SPOCK3: variants seen among roughly 807,000 people sequenced by gnomAD.
SPOCK3 encodes the protein testican-3.
A neutral mutation model predicts 56.6 loss-of-function variants in SPOCK3; 30 were observed. The ratio of observed to expected loss-of-function variants is 0.53; its 90% CI spans 0.40 to 0.72. The LOEUF is 0.72. Among genes scored for constraint, SPOCK3 ranks in the 30% least tolerant of loss-of-function variants. The probability of loss-of-function intolerance (pLI) is 0.00; values close to 1 mark genes in which losing one functional copy is unlikely to be tolerated. For missense variants in SPOCK3, 527 were observed against 530.0 expected (o/e 0.99, Z 0.06); for synonymous variants, 196 against 183.3 (o/e 1.07, Z -0.56).
intron 7 of SPOCK3, among the ~76,000 whole-genome samples, chr4:166,779,107 A>G (rs927098208): frequency 2.0e-5 from 3 of 152,150 alleles, no homozygotes; most frequent in African/African-American, 7.2e-5. Context: ...GCTGGCACCC[A>G]AGAAAGTGAG....
At chr4:167,204,600 G>T (rs986187536) in intron 2 of SPOCK3, among the ~76,000 whole-genome samples, 1 of 152,036 alleles carries the variant, frequency 6.6e-6, no homozygotes, top group Admixed American at 6.6e-5. Context: ...AACATGTGGG[G>T]ATTACAATTC....
chr4:167,096,291 G>T (rs568979337), intron 2 of SPOCK3, among the ~76,000 whole-genome samples: 1 of 151,826 alleles, frequency 6.6e-6, no homozygotes, highest in Admixed American at 6.6e-5. Flanking sequence ...CTTACTTTAG[G>T]ATTAGTCAGA....
At chr4:166,994,316 T>C (rs1748124646) in intron 4 of SPOCK3, among the ~76,000 whole-genome samples, 1 of 152,204 alleles carries the variant, frequency 6.6e-6, no homozygotes, top group South Asian at 2.1e-4. Context: ...ACCATTTGTA[T>C]GATACCTACT....
intron 2 of SPOCK3, among the ~76,000 whole-genome samples, chr4:167,136,792 G>T (rs189164452): frequency 6.6e-6 from 1 of 152,154 alleles, no homozygotes; most frequent in East Asian, 1.9e-4. Flanking sequence ...AATGTATACA[G>T]AATGGCATTT....
At chr4:167,151,440 T>C (rs1335457051) in intron 2 of SPOCK3, among the ~76,000 whole-genome samples, 3 of 148,552 alleles carry the variant, frequency 2.0e-5, no homozygotes, top group South Asian at 2.1e-4. Context: ...TTTTTCTTTT[T>C]TTTTTTTTTT....
At chr4:167,179,086 G>A (rs1029733015) in intron 2 of SPOCK3, among the ~76,000 whole-genome samples, 6 of 152,102 alleles carry the variant, frequency 3.9e-5, no homozygotes, top group Admixed American at 6.6e-5. Flanking sequence ...CTATTTGCAC[G>A]AAACAGTTTA....
At chr4:166,805,509 T>C (rs1483388416) in intron 6 of SPOCK3, among the ~76,000 whole-genome samples, 1 of 152,104 alleles carries the variant, frequency 6.6e-6, no homozygotes, top group African/African-American at 2.4e-5. Context: ...TTATTTTATC[T>C]GATAGACTGG....
At chr4:167,029,748 A>G (rs1225171560) in intron 3 of SPOCK3, among the ~76,000 whole-genome samples, 2 of 151,812 alleles carry the variant, frequency 1.3e-5, no homozygotes, top group Admixed American at 1.3e-4. Flanking sequence ...GTAGGTATGA[A>G]TTTTTTCAAT....
rs775888045 is a variant in SPOCK3 at position 166,735,014 on chromosome 4, GTCT to G, written c.1206_1208del (p.Glu402del). 53 of 1,562,158 alleles carry G rather than the reference GTCT, an allele frequency of 3.4e-5. No homozygotes were observed. The highest frequency in any genetic ancestry group is 4.6e-5 in the Non-Finnish European group (52 of 1,134,698). ...TTTCATCTTCATCATTCATAATATC[GTCT>G]TCATCATCCTCATCATCAGTCCATT... On this transcript the variant is annotated inframe_deletion, in exon 11 of 11. Transcript: ENST00000357545.
At chr4:166,742,715 A>G (rs1735018546) in intron 8 of SPOCK3, among the ~76,000 whole-genome samples, 1 of 152,192 alleles carries the variant, frequency 6.6e-6, no homozygotes, top group Non-Finnish European at 1.5e-5. Flanking sequence ...ATAAGCTGTT[A>G]TTTTAAAAAT....
chr4:166,999,610 A>G (rs537466759), intron 4 of SPOCK3, among the ~76,000 whole-genome samples: 1 of 152,318 alleles, frequency 6.6e-6, no homozygotes, highest in Admixed American at 6.5e-5. Flanking sequence ...TTCTCAAAAA[A>G]TAACTTTAAA....
chr4:167,128,909 T>C (rs949648754), intron 2 of SPOCK3, among the ~76,000 whole-genome samples: 1 of 152,148 alleles, frequency 6.6e-6, no homozygotes, highest in Non-Finnish European at 1.5e-5. Flanking sequence ...ATGGGGTTTA[T>C]TGTATTATTG....
At chr4:166,762,721 G>A (rs1006446395) in intron 7 of SPOCK3, among the ~76,000 whole-genome samples, 3 of 152,116 alleles carry the variant, frequency 2.0e-5, no homozygotes, top group African/African-American at 7.2e-5. Context: ...TAACTAGAAT[G>A]TCTAGAGATG....
At chr4:166,884,718 T>A (rs183929167) in intron 6 of SPOCK3, among the ~76,000 whole-genome samples, 274 of 152,212 alleles carry the variant, frequency 1.8e-3, no homozygotes, top group African/African-American at 6.3e-3. Context: ...ATTTTACAGT[T>A]GAAGAAATGA....
At chr4:167,000,119 G>A (rs1163326248) in intron 4 of SPOCK3, among the ~76,000 whole-genome samples, 1 of 151,990 alleles carries the variant, frequency 6.6e-6, no homozygotes, top group East Asian at 1.9e-4. Context: ...ATCTTTATAA[G>A]ACCTTCTTTA....
intron 2 of SPOCK3, among the ~76,000 whole-genome samples, chr4:167,148,609 C>A (rs973625785): frequency 6.6e-6 from 1 of 152,102 alleles, no homozygotes; most frequent in African/African-American, 2.4e-5. Flanking sequence ...TAACTGATAT[C>A]TCTCTAAGCT....
intron 4 of SPOCK3, among the ~76,000 whole-genome samples, chr4:166,968,840 G>A (rs1468462654): frequency 6.6e-6 from 1 of 152,110 alleles, no homozygotes; most frequent in African/African-American, 2.4e-5. Context: ...TACATCCACT[G>A]ACAGCTTGCA....
chr4:166,950,419 C>T (rs949557650), intron 4 of SPOCK3, among the ~76,000 whole-genome samples: 18 of 151,872 alleles, frequency 1.2e-4, no homozygotes, highest in Admixed American at 1.0e-3. Context: ...AATACAGGAG[C>T]ACCAGATTCA....
intron 2 of SPOCK3, among the ~76,000 whole-genome samples, chr4:167,215,167 A>G (rs1442007893): frequency 6.6e-6 from 1 of 152,096 alleles, no homozygotes; most frequent in Non-Finnish European, 1.5e-5. Context: ...TACAGAAGAA[A>G]TAAGATAAAA....
Sources: gnomAD v4.1 joint callset for allele counts (sites outside exome capture counted in the v4.1 genomes callset) on GRCh38, gnomAD v4.1.1 for gene constraint, MANE v1.5 for transcripts, NCBI Gene and HGNC (gene_info 2026-07-23, HGNC 2026-07-21) for gene names.